TRIM44: variants seen among roughly 807,000 people sequenced by gnomAD.
TRIM44 encodes tripartite motif-containing protein 44.
In TRIM44, 13 loss-of-function variants were observed where a neutral mutation model predicts 37.4. The observed-to-expected ratio is 0.35, with a 90% CI of 0.23 to 0.55. The LOEUF (loss-of-function observed/expected upper bound fraction) is 0.55. Among genes scored for constraint, TRIM44 ranks in the 20% least tolerant of loss-of-function variants. TRIM44 has a pLI of 0.89. For synonymous variants in TRIM44, 175 were observed against 157.2 expected, an observed-to-expected ratio of 1.11 and a Z score of -0.85; for missense variants, 426 against 437.2, an observed-to-expected ratio of 0.97 and a Z score of 0.23.
At chr11:35,685,695 G>A (rs575958290) in intron 2 of TRIM44, among the ~76,000 whole-genome samples, 3 of 151,846 alleles carry the variant, frequency 2.0e-5, no homozygotes, top group East Asian at 1.9e-4. Flanking sequence ...ACAGAGTCTC[G>A]CTCTGTTGCC....
intron 2 of TRIM44, chr11:35,724,280 CCA>C (rs1564978846): frequency 6.6e-6 from 1 of 152,208 alleles, no homozygotes; most frequent in African/African-American, 2.4e-5. Context: ...TTAGGTTTTC[CCA>C]GTTTGACTTC....
In TRIM44 at chr11:35,795,310, A is replaced by G. The variant is rs375877382; in HGVS notation, c.1008-11048A>G. 2.0e-4 allele frequency among the ~76,000 whole-genome samples: 31 copies of G among 152,250 alleles called. No individual in the cohort carries two copies. The East Asian group carries it at 3.3e-3, about 16-fold the overall frequency. On this transcript the variant is annotated intron_variant, in intron 4 of 4. Coordinates refer to ENST00000299413, the MANE Select transcript of TRIM44 (RefSeq NM_017583.6). ...ATAATCTATTGCACATTTTTGAAAT[A>G]TTATTCTGAATACAGTTTGGATAAT...
At chr11:35,691,791 C>T (rs2135494269) in intron 2 of TRIM44, among the ~76,000 whole-genome samples, 1 of 152,200 alleles carries the variant, frequency 6.6e-6, no homozygotes, top group South Asian at 2.1e-4. Flanking sequence ...ACTATAGGCG[C>T]CCGCCACCAT....
rs573002995 is a variant in TRIM44 at position 35,784,783 on chromosome 11, C to T, written c.1008-21575C>T. 2.6e-5 allele frequency among the ~76,000 whole-genome samples: 4 copies of T among 152,204 alleles called. No individual in the cohort carries two copies. In the East Asian group the frequency reaches 7.7e-4, roughly 29 times the overall value. ...ATCTTTAAGTGATCTTAAATTTTGC[C>T]AGGTTTTTATTGCTGAAAATCTAGG... On this transcript the variant is annotated intron_variant, in intron 4 of 4. Coordinates refer to ENST00000299413, the MANE Select transcript of TRIM44 (RefSeq NM_017583.6).
intron 3 of TRIM44, among the ~76,000 whole-genome samples, chr11:35,728,206 GTC>G (rs2135517213): frequency 6.6e-6 from 1 of 152,198 alleles, no homozygotes; most frequent in South Asian, 2.1e-4. Flanking sequence ...AGCACCTGCA[GTC>G]CCAGCTACTT....
intron 4 of TRIM44, among the ~76,000 whole-genome samples, chr11:35,739,277 G>A (rs1329418743): frequency 2.0e-5 from 3 of 152,192 alleles, no homozygotes. Context: ...GTCAAATGAA[G>A]AAATTAATGC....
chr11:35,664,562 T>C (rs1212768493), intron 1 of TRIM44, among the ~76,000 whole-genome samples: 2 of 152,240 alleles, frequency 1.3e-5, no homozygotes, highest in African/African-American at 4.8e-5. Flanking sequence ...GTTCATTAAG[T>C]AATCTGTATT....
chr11:35,731,099 T>C (rs1852252948), intron 3 of TRIM44, among the ~76,000 whole-genome samples: 1 of 152,208 alleles, frequency 6.6e-6, no homozygotes, highest in Non-Finnish European at 1.5e-5. Context: ...TGTCTTGTCT[T>C]ACTGCAGTGG....
chr11:35,710,235 T>C (rs553495087), intron 2 of TRIM44, among the ~76,000 whole-genome samples: 1 of 152,304 alleles, frequency 6.6e-6, no homozygotes, highest in Admixed American at 6.5e-5. Context: ...CCATATTTAG[T>C]TTGCTTTATA....
rs753721951 is a variant in TRIM44, at chr11:35,735,448, A to G, written c.1007+3A>G. On this transcript the variant is annotated splice_donor_region_variant and intron_variant, in intron 4 of 4. Transcript: ENST00000299413. ...CAGGGCGATGAGGAAGGACCCAGGT[A>G]AGATCACATTGTTGCTTGTCTTTTC... 23 of 1,613,548 alleles carry G rather than the reference A, an allele frequency of 1.4e-5. No homozygotes were observed. The East Asian group carries it at 4.9e-4, about 34-fold the overall frequency.
chr11:35,693,055 G>A (rs1048728250), intron 2 of TRIM44, among the ~76,000 whole-genome samples: 2 of 152,108 alleles, frequency 1.3e-5, no homozygotes, highest in South Asian at 2.1e-4. Context: ...GGGGTGCCTC[G>A]TGGTCAGAAC....
At chr11:35,666,745 C>G (rs1851337067) in intron 1 of TRIM44, among the ~76,000 whole-genome samples, 1 of 152,136 alleles carries the variant, frequency 6.6e-6, no homozygotes, top group Non-Finnish European at 1.5e-5. Flanking sequence ...GTCGACACGG[C>G]AAGACCCTAT....
At chr11:35,770,971 CT>C (rs1391052597) in intron 4 of TRIM44, among the ~76,000 whole-genome samples, 1 of 152,172 alleles carries the variant, frequency 6.6e-6, no homozygotes, top group Non-Finnish European at 1.5e-5. Context: ...TCTTCCCAGT[CT>C]CAGTTATGTC....
intron 3 of TRIM44, among the ~76,000 whole-genome samples, chr11:35,727,248 G>A (rs950324456): frequency 1.3e-5 from 2 of 152,074 alleles, no homozygotes; most frequent in Non-Finnish European, 2.9e-5. Context: ...TTCTAGTGAA[G>A]GTAATGCCAG....
intron 2 of TRIM44, among the ~76,000 whole-genome samples, chr11:35,713,398 A>G (rs1852003004): frequency 6.6e-6 from 1 of 152,174 alleles, no homozygotes; most frequent in Non-Finnish European, 1.5e-5. Context: ...TGACTTCTAT[A>G]TAGAAGTTAT....
intron 2 of TRIM44, among the ~76,000 whole-genome samples, chr11:35,714,662 A>G (rs56678405): frequency 0.011 from 1,637 of 152,288 alleles, 29 homozygotes; most frequent in African/African-American, 0.038. Context: ...AATTGCTTTA[A>G]TCTTCAGATA....
At chr11:35,769,036 G>A (rs1852832414) in intron 4 of TRIM44, among the ~76,000 whole-genome samples, 1 of 152,126 alleles carries the variant, frequency 6.6e-6, no homozygotes, top group Admixed American at 6.5e-5. Flanking sequence ...TGGCATTAGT[G>A]GATCCACATT....
At chr11:35,694,813 A>G (rs192260323) in intron 2 of TRIM44, among the ~76,000 whole-genome samples, 1 of 152,240 alleles carries the variant, frequency 6.6e-6, no homozygotes, top group East Asian at 1.9e-4. Flanking sequence ...GTGGATGGCA[A>G]GGACAGTCTT....
intron 2 of TRIM44, among the ~76,000 whole-genome samples, chr11:35,721,303 T>G (rs1852103595): frequency 6.6e-6 from 1 of 152,212 alleles, no homozygotes; most frequent in Non-Finnish European, 1.5e-5. Flanking sequence ...TAAAAAGTGT[T>G]ACATGTTATT....
Sources: gnomAD v4.1 joint callset for allele counts (sites outside exome capture counted in the v4.1 genomes callset) on GRCh38, gnomAD v4.1.1 for gene constraint, MANE v1.5 for transcripts, NCBI Gene and HGNC (gene_info 2026-07-23, HGNC 2026-07-21) for gene names.